The following AKAP6 variants were observed in gnomAD, a reference collection of about 807,000 sequenced individuals.
AKAP6 encodes the protein A-kinase anchoring protein 6, also known as A-kinase anchor protein 6.
A neutral mutation model predicts 188.5 loss-of-function variants in AKAP6; 58 were observed. That is an observed-to-expected ratio of 0.31 (90% CI 0.25 to 0.38). AKAP6 has a LOEUF of 0.38. Ranked by LOEUF, AKAP6 falls within the 10% of genes least tolerant of loss-of-function variation. The pLI is 1.00. For synonymous variants in AKAP6, 989 were observed against 998.6 expected (o/e 0.99, Z 0.18); for missense variants, 2,710 against 2,740.0 (o/e 0.99, Z 0.24).
Position 32,433,445 on chromosome 14 carries a change from C to A in AKAP6, c.-34-15C>A. ...TTGACTGACTCTTGCTTTCTTCTTTCCTCTTGCCTTTCAGCTGTTTTGGAA... is the reference window on the plus strand; with the variant it reads ...TTGACTGACTCTTGCTTTCTTCTTTACTCTTGCCTTTCAGCTGTTTTGGAA... On this transcript the variant is annotated splice_polypyrimidine_tract_variant and intron_variant, in intron 1 of 13. Coordinates refer to ENST00000280979, the MANE Select transcript of AKAP6 (RefSeq NM_004274.5). The A allele has an allele frequency of 6.5e-7, 1 of 1,534,474 alleles. No homozygotes were observed. The highest frequency in any genetic ancestry group is 2.3e-5 in the East Asian group (1 of 44,122).
chr14:32,675,898 C>T (rs1186367179), intron 7 of AKAP6, among the ~76,000 whole-genome samples: 1 of 152,182 alleles, frequency 6.6e-6, no homozygotes, highest in African/African-American at 2.4e-5. Flanking sequence ...CTGAGAATTA[C>T]AGAGATGAAT....
chr14:32,340,642 T>C (rs575739442), intron 1 of AKAP6, among the ~76,000 whole-genome samples: 1 of 152,354 alleles, frequency 6.6e-6, no homozygotes, highest in Admixed American at 6.5e-5. Context: ...CCTGAAAACA[T>C]ATTTTAATTT....
At chr14:32,759,301 T>A (rs1305663076) in intron 11 of AKAP6, among the ~76,000 whole-genome samples, 1 of 152,232 alleles carries the variant, frequency 6.6e-6, no homozygotes, top group Non-Finnish European at 1.5e-5. Flanking sequence ...TTGAGAAGCA[T>A]AGACTAGGCA....
Position 32,510,425 on chromosome 14 carries a change from C to CGT in AKAP6, c.325-25129_325-25128insGT, listed in dbSNP as rs1402746506. On this transcript the variant is annotated intron_variant, in intron 2 of 13. Transcript: ENST00000280979. ...ATATGTATATATATGTATATATATA[C>CGT]ATATATATATGTGTATATATATATA... Among the ~76,000 whole-genome samples, 324 of 51,510 alleles carry CGT rather than the reference C, an allele frequency of 6.3e-3. 1 individual carries two copies. The highest frequency in any genetic ancestry group is 0.024 in the African/African-American group (299 of 12,292). The allele number at this position is 51,510 out of a possible 152,430, so 33.8% of individuals were successfully genotyped here.
chr14:32,586,809 A>G (rs2139304086), intron 5 of AKAP6, among the ~76,000 whole-genome samples: 1 of 152,356 alleles, frequency 6.6e-6, no homozygotes, highest in Non-Finnish European at 1.5e-5. Context: ...TAGGTTGTTT[A>G]CAGTCTTTTT....
chr14:32,800,374 C>G (rs1283334799), intron 12 of AKAP6, among the ~76,000 whole-genome samples: 1 of 151,452 alleles, frequency 6.6e-6, no homozygotes, highest in Non-Finnish European at 1.5e-5. Context: ...TGCAGTCCAG[C>G]CTGGTCAGCA....
chr14:32,632,223 A>G (rs1210924988), intron 7 of AKAP6, among the ~76,000 whole-genome samples: 3 of 152,062 alleles, frequency 2.0e-5, no homozygotes, highest in Admixed American at 6.6e-5. Context: ...TGTGAAAAAC[A>G]TATGTCGAAT....
At chr14:32,809,516 A>G (rs780600660) in intron 12 of AKAP6, among the ~76,000 whole-genome samples, 17 of 152,182 alleles carry the variant, frequency 1.1e-4, no homozygotes, top group Non-Finnish European at 2.1e-4. Flanking sequence ...TTCCCCAGCA[A>G]AGGGAGCAGG....
intron 8 of AKAP6, among the ~76,000 whole-genome samples, chr14:32,688,042 A>G (rs1890008377): frequency 6.6e-6 from 1 of 152,014 alleles, no homozygotes; most frequent in Admixed American, 6.6e-5. Context: ...CCAGAGAGGG[A>G]GAAGCATGCT....
At chr14:32,622,720 C>T (rs1230022755) in intron 7 of AKAP6, among the ~76,000 whole-genome samples, 1 of 151,992 alleles carries the variant, frequency 6.6e-6, no homozygotes, top group East Asian at 1.9e-4. Context: ...ACTTCTTGTT[C>T]TCATGCAAAG....
rs974375135 is a variant in AKAP6 at position 32,578,842 on chromosome 14, A to C, written c.2469+1600A>C. Among the ~76,000 whole-genome samples the C allele has an allele frequency of 1.8e-4, 27 of 151,806 alleles. 1 individual carries two copies. Among genetic ancestry groups the C allele is most frequent in the Admixed American group, 1.6e-3 (25 of 15,268 alleles). ...GTCCCTTTTTCCCCTTTGGAGGTTGAATGATATGGCCTCTTTGTAACCAAT... is the reference window on the plus strand; with the variant it reads ...GTCCCTTTTTCCCCTTTGGAGGTTGCATGATATGGCCTCTTTGTAACCAAT... On this transcript the variant is annotated intron_variant, in intron 5 of 13. Transcript: ENST00000280979.
intron 5 of AKAP6, among the ~76,000 whole-genome samples, chr14:32,591,089 ATATACT>A (rs1885466283): frequency 6.6e-6 from 1 of 152,176 alleles, no homozygotes. Flanking sequence ...CGTGTGAATA[ATATACT>A]TATATCAATC....
chr14:32,466,792 G>T (rs1245945357), intron 2 of AKAP6, among the ~76,000 whole-genome samples: 1 of 125,194 alleles, frequency 8.0e-6, no homozygotes, highest in Non-Finnish European at 1.6e-5. Context: ...ACCCTTTTTG[G>T]ATCCTGATTC....
chr14:32,677,763 T>C (rs1333049346), intron 7 of AKAP6, among the ~76,000 whole-genome samples: 1 of 152,216 alleles, frequency 6.6e-6, no homozygotes, highest in African/African-American at 2.4e-5. Flanking sequence ...AACCTGCATG[T>C]AAATAAAATC....
intron 2 of AKAP6, among the ~76,000 whole-genome samples, chr14:32,485,484 G>T (rs1183732452): frequency 6.6e-6 from 1 of 152,040 alleles, no homozygotes; most frequent in East Asian, 1.9e-4. Flanking sequence ...GTTGTTTCCT[G>T]ACTTTTTAAT....
chr14:32,462,398 G>A (rs1594639386), intron 2 of AKAP6, among the ~76,000 whole-genome samples: 2 of 152,282 alleles, frequency 1.3e-5, no homozygotes, highest in African/African-American at 2.4e-5. Context: ...GAAACCCTGT[G>A]AGCCAGAAGA....
intron 7 of AKAP6, among the ~76,000 whole-genome samples, chr14:32,643,849 G>T (rs566246631): frequency 3.5e-4 from 54 of 152,264 alleles, no homozygotes; most frequent in African/African-American, 1.3e-3. Context: ...CTCAGACTAA[G>T]CCATCTGAGA....
intron 1 of AKAP6, among the ~76,000 whole-genome samples, chr14:32,413,692 C>G (rs1889566185): frequency 6.6e-6 from 1 of 152,108 alleles, no homozygotes; most frequent in African/African-American, 2.4e-5. Context: ...AGCATTTCTT[C>G]ATTGATTGAT....
chr14:32,362,572 G>C (rs1001125038), intron 1 of AKAP6, among the ~76,000 whole-genome samples: 1 of 152,156 alleles, frequency 6.6e-6, no homozygotes, highest in South Asian at 2.1e-4. Flanking sequence ...TGGTAGTGGG[G>C]TTTCAGGTAG....
Sources: gnomAD v4.1 joint callset for allele counts (sites outside exome capture counted in the v4.1 genomes callset) on GRCh38, gnomAD v4.1.1 for gene constraint, MANE v1.5 for transcripts, NCBI Gene and HGNC (gene_info 2026-07-23, HGNC 2026-07-21) for gene names.